SND1: variants seen among roughly 807,000 people sequenced by gnomAD.
SND1 encodes staphylococcal nuclease and tudor domain containing 1.
A neutral mutation model predicts 121.7 loss-of-function variants in SND1; 38 were observed. That is an observed-to-expected ratio of 0.31 (90% CI 0.24 to 0.41). The LOEUF (loss-of-function observed/expected upper bound fraction) is 0.41, where lower values mean the gene tolerates loss of function less well. Among genes scored for constraint, SND1 ranks in the 10% least tolerant of loss-of-function variants. SND1 has a pLI of 1.00. For missense variants in SND1, 868 were observed against 1,184.6 expected, an observed-to-expected ratio of 0.73 and a Z score of 3.92; for synonymous variants, 401 against 447.4, an observed-to-expected ratio of 0.90 and a Z score of 1.31.
intron 16 of SND1, among the ~76,000 whole-genome samples, chr7:128,053,011 T>TA (rs1466413598): frequency 1.3e-5 from 2 of 152,176 alleles, no homozygotes; most frequent in African/African-American, 4.8e-5. Flanking sequence ...ATGCATTGAA[T>TA]AAAAAAATTT....
intron 15 of SND1, among the ~76,000 whole-genome samples, chr7:127,946,797 A>G (rs1156447670): frequency 1.3e-5 from 2 of 152,130 alleles, no homozygotes; most frequent in Non-Finnish European, 2.9e-5. Flanking sequence ...ATGCCTCTTT[A>G]TTTTGATATA....
chr7:127,778,758 T>C (rs972352746), intron 10 of SND1, among the ~76,000 whole-genome samples: 1 of 152,180 alleles, frequency 6.6e-6, no homozygotes, highest in Non-Finnish European at 1.5e-5. Context: ...TGGTACATAG[T>C]TATTTAGTGG....
At position 127,852,797 on chromosome 7, in the gene SND1, C is replaced by T. The variant is rs111560686; in HGVS notation, c.1343+8373C>T. 3.3e-3 allele frequency among the ~76,000 whole-genome samples: 496 copies of T among 149,278 alleles called. 2 individuals carry two copies. The highest frequency in any genetic ancestry group is 0.011 in the African/African-American group (436 of 41,298). ...CTGCACTCTAGCCTGGGTGACAGAG[C>T]GAGACTTGGTCTCAAAAAAAAAAAG... On this transcript the variant is annotated intron_variant, in intron 12 of 23. Transcript: ENST00000354725.
At chr7:128,086,903 G>A (rs754489451) in intron 20 of SND1, 35 bp from the exon 21 acceptor site, 1 of 1,529,244 alleles carries the variant, frequency 6.5e-7, no homozygotes, top group Admixed American at 1.7e-5. Context: ...GGGGCAGCGA[G>A]TATGTGACAT....
chr7:127,878,040 A>C (rs1799723076), intron 12 of SND1, among the ~76,000 whole-genome samples: 1 of 151,466 alleles, frequency 6.6e-6, no homozygotes, highest in Non-Finnish European at 1.5e-5. Flanking sequence ...CAGCATTTCT[A>C]CCAATGTTGT....
intron 10 of SND1, among the ~76,000 whole-genome samples, chr7:127,744,298 C>T (rs1282942348): frequency 2.6e-5 from 4 of 151,750 alleles, no homozygotes; most frequent in Non-Finnish European, 4.4e-5. Context: ...GTTTTTGGGT[C>T]GGCTTAGAGA....
Position 127,962,089 on chromosome 7 carries a change from G to T in SND1, c.1670-28858G>T, listed in dbSNP as rs114024994. 5.9e-3 allele frequency among the ~76,000 whole-genome samples: 899 copies of T among 152,258 alleles called. 16 individuals carry two copies. Among genetic ancestry groups the T allele is most frequent in the African/African-American group, 0.021 (857 of 41,560 alleles). On this transcript the variant is annotated intron_variant, in intron 15 of 23. Coordinates refer to ENST00000354725, the MANE Select transcript of SND1 (RefSeq NM_014390.4). Reference sequence around the variant, plus strand: ...CACATAATTTATGCCTTTTCTTGAGGTTACTAAAAAGAAAAAGTATTCCAG... The same window carrying T: ...CACATAATTTATGCCTTTTCTTGAGTTTACTAAAAAGAAAAAGTATTCCAG...
intron 22 of SND1, among the ~76,000 whole-genome samples, chr7:128,091,488 G>T (rs1200411446): frequency 1.3e-5 from 2 of 151,922 alleles, no homozygotes; most frequent in African/African-American, 2.4e-5. Flanking sequence ...GCAATTATAG[G>T]CATGAGCCAC....
intron 12 of SND1, among the ~76,000 whole-genome samples, chr7:127,881,630 G>A (rs1030667032): frequency 9.2e-5 from 14 of 152,164 alleles, no homozygotes; most frequent in African/African-American, 3.4e-4. Context: ...TAACTGGACA[G>A]GCAAATGCAA....
intron 10 of SND1, among the ~76,000 whole-genome samples, chr7:127,726,017 C>T (rs1344863647): frequency 6.6e-6 from 1 of 152,092 alleles, no homozygotes; most frequent in African/African-American, 2.4e-5. Flanking sequence ...GTTTTGTACA[C>T]AGAGACAAGT....
At chr7:127,723,330 G>C (rs1796528456) in intron 10 of SND1, among the ~76,000 whole-genome samples, 2 of 152,138 alleles carry the variant, frequency 1.3e-5, no homozygotes. Context: ...GCAGAATCCT[G>C]ATTATAGAAT....
At chr7:128,007,849 A>C (rs972478206) in intron 16 of SND1, among the ~76,000 whole-genome samples, 7 of 152,246 alleles carry the variant, frequency 4.6e-5, no homozygotes, top group African/African-American at 1.7e-4. Context: ...ATAATACTGA[A>C]TTATAGCCTT....
At chr7:127,656,327 T>TC (rs1215556872) in intron 1 of SND1, among the ~76,000 whole-genome samples, 3 of 150,094 alleles carry the variant, frequency 2.0e-5, no homozygotes, top group African/African-American at 7.3e-5. Flanking sequence ...TTTCTTTCTT[T>TC]TTTTTTTTTT....
chr7:127,884,561 G>A (rs558585584), intron 12 of SND1, among the ~76,000 whole-genome samples: 8 of 151,988 alleles, frequency 5.3e-5, no homozygotes, highest in Non-Finnish European at 1.0e-4. Flanking sequence ...TTCTTATCAA[G>A]CTTTGACGAA....
intron 1 of SND1, among the ~76,000 whole-genome samples, chr7:127,659,979 C>T (rs1333723931): frequency 6.7e-6 from 1 of 149,844 alleles, no homozygotes; most frequent in Non-Finnish European, 1.5e-5. Context: ...TGCCGTTTAT[C>T]TTGCATAAAG....
chr7:127,874,838 G>C (rs1486625391), intron 12 of SND1, among the ~76,000 whole-genome samples: 1 of 152,014 alleles, frequency 6.6e-6, no homozygotes. Flanking sequence ...TAGAACTAGA[G>C]TGCTCAAATT....
rs533126785 is a variant in SND1, at chr7:127,941,134, CAT to C, written c.1669+11806_1669+11807del. On this transcript the variant is annotated intron_variant, in intron 15 of 23. Coordinates refer to ENST00000354725, the MANE Select transcript of SND1 (RefSeq NM_014390.4). ...TGAGACACAACTGCATTCTCTCCGT[CAT>C]TTTATTTCATCATTAGAGCTTTTTC... is the stretch of plus-strand genomic sequence containing the variant. Among the ~76,000 whole-genome samples, 188 of 152,346 alleles carry C rather than the reference CAT, an allele frequency of 1.2e-3. 1 individual carries two copies. The highest frequency in any genetic ancestry group is 4.3e-3 in the African/African-American group (179 of 41,584).
At chr7:127,830,427 G>A (rs185102073) in intron 11 of SND1, among the ~76,000 whole-genome samples, 2 of 152,200 alleles carry the variant, frequency 1.3e-5, no homozygotes, top group East Asian at 3.9e-4. Context: ...GGGAGAGGAA[G>A]TACCTTATAA....
intron 2 of SND1, among the ~76,000 whole-genome samples, chr7:127,690,096 C>G (rs1795887430): frequency 6.6e-6 from 1 of 152,018 alleles, no homozygotes; most frequent in Admixed American, 6.6e-5. Context: ...TGCCCTCATT[C>G]TCCTTCCCTC....
Sources: allele counts gnomAD v4.1 joint callset (sites outside exome capture counted in the v4.1 genomes callset), GRCh38; gene constraint gnomAD v4.1.1; transcripts MANE v1.5; gene names NCBI Gene and HGNC (gene_info 2026-07-23, HGNC 2026-07-21).